The following PTGIS variants were observed in gnomAD, a reference collection of about 807,000 sequenced individuals.
PTGIS encodes the protein prostacyclin synthase.
A neutral mutation model predicts 50.3 loss-of-function variants in PTGIS; 45 were observed. That is an observed-to-expected ratio of 0.90 (90% confidence interval 0.70 to 1.15). PTGIS has a LOEUF of 1.15. PTGIS is among the 50% of genes most tolerant of loss of function. The probability of loss-of-function intolerance (pLI) is 0.00; values close to 1 mark genes in which losing one functional copy is unlikely to be tolerated. For synonymous variants in PTGIS, 260 were observed against 267.7 expected, an observed-to-expected ratio of 0.97 and a Z score of 0.28; for missense variants, 668 against 661.3, an observed-to-expected ratio of 1.01 and a Z score of -0.11.
intron 1 of PTGIS, among the ~76,000 whole-genome samples, chr20:49,562,285 C>T (rs1038871108): frequency 9.2e-5 from 14 of 152,234 alleles, no homozygotes; most frequent in African/African-American, 3.4e-4. Flanking sequence ...CAGGCGGGAG[C>T]AGGCTTTCTT....
At chr20:49,562,649 C>T (rs1982805722) in intron 1 of PTGIS, among the ~76,000 whole-genome samples, 1 of 152,226 alleles carries the variant, frequency 6.6e-6, no homozygotes, top group South Asian at 2.1e-4. Flanking sequence ...CCGGCTCCTG[C>T]CCACACAGCC....
chr20:49,529,517 C>T (rs763048094), intron 5 of PTGIS, among the ~76,000 whole-genome samples: 2 of 152,140 alleles, frequency 1.3e-5, no homozygotes, highest in African/African-American at 4.8e-5. Context: ...TTTCACTTTC[C>T]AAGGTTTCCA....
Position 49,541,400 on chromosome 20 carries a change from A to G in PTGIS, c.522-1679T>C, listed in dbSNP as rs191073960. On this transcript the variant is annotated intron_variant, in intron 4 of 9. Transcript: ENST00000244043. ...AACTCAGAGAACCATTTCCCGGTAC[A>G]TATATTTCTACCAAAACAGGCAATG... Among the ~76,000 whole-genome samples, 88 of 152,290 alleles carry G rather than the reference A, an allele frequency of 5.8e-4. 1 individual carries two copies. The East Asian group carries it at 0.013, about 23-fold the overall frequency.
rs550091083 is a variant in PTGIS at position 49,557,676 on chromosome 20, G to A, written c.75-7487C>T. 5.3e-5 allele frequency among the ~76,000 whole-genome samples: 8 copies of A among 152,292 alleles called. No individual in the cohort carries two copies. In the South Asian group the frequency reaches 1.7e-3, roughly 32 times the overall value. ...TCTGCCATGAGGAAAAAATTAAACT[G>A]AAAGCTGAGTCATGCAAGAAGCTGC... On this transcript the variant is annotated intron_variant, in intron 1 of 9. Coordinates refer to ENST00000244043, the MANE Select transcript of PTGIS (RefSeq NM_000961.4).
Position 49,544,361 on chromosome 20 carries a change from T to C in PTGIS, c.465A>G (p.Ala155=). ...HAVLLGDATE[A]GSGWHEMGLL... The stretch of plus-strand genomic sequence containing the variant: ...GACCCATCTCGTGCCAGCCACTGCC[T>C]GCTTCTGTAGCATCGCCCAACAGCA... Residue 155 remains alanine, a synonymous_variant, in exon 4 of 10, where the codon GCA becomes GCG. Transcript: ENST00000244043. The C allele has an allele frequency of 1.2e-6, 2 of 1,614,174 alleles. No homozygotes were observed. Among genetic ancestry groups the C allele is most frequent in the Middle Eastern group, 3.3e-4 (2 of 6,062 alleles).
chr20:49,538,127 T>C (rs985235491), intron 5 of PTGIS, among the ~76,000 whole-genome samples: 3 of 150,772 alleles, frequency 2.0e-5, no homozygotes, highest in East Asian at 2.0e-4. Flanking sequence ...TAGTGGCATA[T>C]GCCTGTAGTC....
In PTGIS at chr20:49,538,264, A is replaced by T. The variant is rs1438826825; in HGVS notation, c.673+1306T>A. The stretch of plus-strand genomic sequence containing the variant: ...AGTGAGACCCTGGTTCAGAAAAAAA[A>T]AAAAAAAAAAAAAAAAAAAAAAGGC... On this transcript the variant is annotated intron_variant, in intron 5 of 9. Transcript: ENST00000244043. 3.3e-5 allele frequency among the ~76,000 whole-genome samples: 4 copies of T among 120,502 alleles called. No homozygotes were observed. The East Asian group carries it at 6.5e-4, about 20-fold the overall frequency. 79.1% of individuals were successfully genotyped at this position (120,502 alleles called of 152,430 possible). A position where few individuals can be genotyped will look rare whatever the true frequency, so the allele number is the denominator to read the frequency against.
At chr20:49,564,135 G>A (rs1400972763) in intron 1 of PTGIS, among the ~76,000 whole-genome samples, 1 of 152,214 alleles carries the variant, frequency 6.6e-6, no homozygotes. Context: ...ATTTGAATTT[G>A]AACTGGGAAC....
Position 49,514,453 on chromosome 20 carries a change from C to A in PTGIS, c.856-58G>T, listed in dbSNP as rs1981420809. ...TGAGGGCAGAGCTGACTCGTCTCTG[C>A]CAGGGACACAGCTCGGGCCAAGACA... On this transcript the variant is annotated intron_variant, in intron 6 of 9. Transcript: ENST00000244043. 1.8e-5 allele frequency: 29 copies of A among 1,587,446 alleles called. No individual in the cohort carries two copies. In the South Asian group the frequency reaches 3.0e-4, roughly 17 times the overall value.
Position 49,519,514 on chromosome 20 carries a change from C to T in PTGIS, c.855+4544G>A, listed in dbSNP as rs138162293. Among the ~76,000 whole-genome samples the T allele has an allele frequency of 3.3e-5, 5 of 152,172 alleles. No individual in the cohort carries two copies. In the South Asian group the frequency reaches 6.2e-4, roughly 19 times the overall value. ...TCCTGGCCCCTCCTCCTCACCCTTC[C>T]CACCACTGGAGAGCCCCAGGGATGC... On this transcript the variant is annotated intron_variant, in intron 6 of 9. Transcript: ENST00000244043.
Position 49,507,804 on chromosome 20 carries a change from A to G in PTGIS, c.*116T>C, listed in dbSNP as rs5585. Reference sequence around the variant, plus strand: ...CAGCCTTCTGGGAGAAAAGCAGGGAAGTGGTAATGCTAGCACCTGCACCCG... The same window carrying G: ...CAGCCTTCTGGGAGAAAAGCAGGGAGGTGGTAATGCTAGCACCTGCACCCG... On this transcript the variant is annotated 3_prime_UTR_variant, in exon 10 of 10. Coordinates refer to ENST00000244043, the MANE Select transcript of PTGIS (RefSeq NM_000961.4). 0.043 allele frequency: 58,423 copies of G among 1,360,434 alleles called. 4,147 individuals are homozygous for G. The highest frequency in any genetic ancestry group is 0.31 in the African/African-American group (21,316 of 69,656). The allele number at this position is 1,360,434 out of a possible 1,614,324, so 84.3% of individuals were successfully genotyped here.
chr20:49,559,594 T>C (rs1342998232), intron 1 of PTGIS, among the ~76,000 whole-genome samples: 1 of 152,210 alleles, frequency 6.6e-6, no homozygotes, highest in African/African-American at 2.4e-5. Context: ...GGTGTATCAA[T>C]GCCACGAAAC....
intron 1 of PTGIS, among the ~76,000 whole-genome samples, chr20:49,553,640 A>G (rs2122894901): frequency 6.6e-6 from 1 of 152,094 alleles, no homozygotes; most frequent in East Asian, 1.9e-4. Context: ...TTTTCTTAAA[A>G]AAGTGTTCTT....
rs138549971 is a variant in PTGIS, at chr20:49,531,052, C to G, written c.674-6813G>C. 3.0e-3 allele frequency among the ~76,000 whole-genome samples: 451 copies of G among 152,200 alleles called. 5 individuals are homozygous for G. The highest frequency in any genetic ancestry group is 0.01 in the African/African-American group (424 of 41,504). On this transcript the variant is annotated intron_variant, in intron 5 of 9. Transcript: ENST00000244043. ...GGGATTACAGGTGTGAGCCACCGCTCCCAGATGTTATTTGGAATTTTTGGT... is the reference window on the plus strand; with the variant it reads ...GGGATTACAGGTGTGAGCCACCGCTGCCAGATGTTATTTGGAATTTTTGGT...
At chr20:49,561,241 T>A (rs1388399967) in intron 1 of PTGIS, among the ~76,000 whole-genome samples, 2 of 152,004 alleles carry the variant, frequency 1.3e-5, no homozygotes, top group Non-Finnish European at 2.9e-5. Flanking sequence ...GTGGGACAGC[T>A]CGTGGGCAGG....
intron 1 of PTGIS, among the ~76,000 whole-genome samples, chr20:49,562,729 G>C (rs1982807474): frequency 6.6e-6 from 1 of 152,176 alleles, no homozygotes. Context: ...CCCATCACAT[G>C]GGTTCCTCTA....
rs10637368 is a variant in PTGIS, at chr20:49,505,122, CAAAAAAAAAA to C, written c.*2788_*2797del. 1 of 73,344 alleles carries C rather than the reference CAAAAAAAAAA, an allele frequency of 1.4e-5. No individual in the cohort carries two copies. The highest frequency in any genetic ancestry group is 4.9e-4 in the South Asian group (1 of 2,036). 4.5% of individuals were successfully genotyped at this position (73,344 alleles called of 1,614,324 possible). ...TGGGCAGCAGAGCGAGACTCCATCT[CAAAAAAAAAA>C]AAAAAAAAAGAGTATTTCATTCTTG... On this transcript the variant is annotated 3_prime_UTR_variant, in exon 10 of 10. Coordinates refer to ENST00000244043, the MANE Select transcript of PTGIS (RefSeq NM_000961.4).
chr20:49,513,679 G>C (rs535439711), intron 7 of PTGIS, among the ~76,000 whole-genome samples: 1 of 152,266 alleles, frequency 6.6e-6, no homozygotes, highest in Admixed American at 6.5e-5. Context: ...CCTGGGATGG[G>C]GCTGTGACTG....
chr20:49,543,250 C>T (rs1232464411), intron 4 of PTGIS, among the ~76,000 whole-genome samples: 1 of 152,064 alleles, frequency 6.6e-6, no homozygotes, highest in Non-Finnish European at 1.5e-5. Flanking sequence ...CCAAAAGCTA[C>T]CCAAATTCTC....
Sources: gnomAD v4.1 joint callset for allele counts (sites outside exome capture counted in the v4.1 genomes callset) on GRCh38, gnomAD v4.1.1 for gene constraint, MANE v1.5 for transcripts, NCBI Gene and HGNC (gene_info 2026-07-23, HGNC 2026-07-21) for gene names.